The following DMXL2 variants were observed in gnomAD, a reference collection of about 807,000 sequenced individuals.
DMXL2 encodes dmX-like protein 2.
DMXL2 carries 103 observed loss-of-function variants against 331.1 expected under a neutral mutation model. That is an observed-to-expected ratio of 0.31 (90% CI 0.27 to 0.37). DMXL2 has a LOEUF of 0.37. DMXL2 is among the 10% of genes least tolerant of loss of function. DMXL2 has a pLI of 1.00. For synonymous variants in DMXL2, 1,281 were observed against 1,252.1 expected (o/e 1.02, Z -0.49); for missense variants, 3,171 against 3,642.9 (o/e 0.87, Z 3.33).
At chr15:51,537,845 A>G (rs905498009) in intron 10 of DMXL2, 86 bp from the exon 11 acceptor site, 9 of 1,378,486 alleles carry the variant, frequency 6.5e-6, no homozygotes, top group African/African-American at 1.5e-5. Context: ...ACTATCTTTA[A>G]AAACTAAATC....
chr15:51,489,981 G>C (rs1162326447), intron 20 of DMXL2, among the ~76,000 whole-genome samples: 1 of 152,186 alleles, frequency 6.6e-6, no homozygotes, highest in Non-Finnish European at 1.5e-5. Context: ...GGATACATCT[G>C]AAACATTTCA....
chr15:51,587,215 C>T (rs1028984604), intron 1 of DMXL2, among the ~76,000 whole-genome samples: 14 of 152,252 alleles, frequency 9.2e-5, no homozygotes, highest in South Asian at 2.1e-4. Context: ...ATGTGCACAA[C>T]GTGCAGGTTT....
intron 13 of DMXL2, among the ~76,000 whole-genome samples, chr15:51,534,873 T>G (rs1053253341): frequency 1.3e-5 from 2 of 152,132 alleles, no homozygotes; most frequent in African/African-American, 4.8e-5. Flanking sequence ...TAATCTGATC[T>G]CTCTCTCTCC....
Position 51,476,660 on chromosome 15 carries a change from T to A in DMXL2, c.6893A>T (p.Asp2298Val), listed in dbSNP as rs1450581935. The change falls in exon 27 of 44, where the codon GAT becomes GTT. Residue 2298 changes from aspartate to valine, a missense_variant. By Grantham distance (152) the Asp-to-Val change is radical. Coordinates refer to ENST00000560891, the MANE Select transcript of DMXL2 (RefSeq NM_001378457.1). ...GCTTTCTGTCCTTAGTCTTCTACGA[T>A]CACTTAAAAGAAGTCCTTGATAAGC... The part of the protein sequence containing the change: ...GMAYQGLLLS[D>V]RRRLRTESIE... 1 of 1,611,716 alleles carries A rather than the reference T, an allele frequency of 6.2e-7. No individual in the cohort carries two copies. The highest frequency in any genetic ancestry group is 1.7e-5 in the Admixed American group (1 of 59,542).
At chr15:51,531,477 C>T (rs2047999605) in intron 13 of DMXL2, among the ~76,000 whole-genome samples, 1 of 152,104 alleles carries the variant, frequency 6.6e-6, no homozygotes, top group Non-Finnish European at 1.5e-5. Flanking sequence ...TCTCAGCAAA[C>T]ATTTCCTGAG....
In DMXL2 at chr15:51,564,208, T is replaced by C; in HGVS notation, c.417A>G (p.Gly139=). 1 of 1,609,166 alleles carries C rather than the reference T, an allele frequency of 6.2e-7. No homozygotes were observed. Among genetic ancestry groups the C allele is most frequent in the Non-Finnish European group, 8.5e-7 (1 of 1,178,074 alleles). Residue 139 remains glycine (G), a synonymous_variant, in exon 5 of 44, where the codon GGA becomes GGG. Transcript: ENST00000560891. The part of the protein sequence containing the change: ...TDSIQLWAPP[G]DDILEEEEEI... ...CTTCCTCCTCTTCCAGAATATCATC[T>C]CCTGGAGGAGCCCACAACTGAATAG...
chr15:51,452,666 A>G (rs982827387), intron 41 of DMXL2, among the ~76,000 whole-genome samples: 2 of 152,212 alleles, frequency 1.3e-5, no homozygotes, highest in Admixed American at 1.3e-4. Flanking sequence ...TAAAACCACC[A>G]TGAAAAACAG....
intron 42 of DMXL2, 50 bp from the exon 43 acceptor site, chr15:51,450,396 G>A: frequency 1.9e-6 from 3 of 1,561,430 alleles, no homozygotes; most frequent in Non-Finnish European, 2.6e-6. Flanking sequence ...TCTTGTCTTG[G>A]TAATTATGAT....
At chr15:51,579,395 T>A (rs2051257362) in intron 1 of DMXL2, among the ~76,000 whole-genome samples, 1 of 152,130 alleles carries the variant, frequency 6.6e-6, no homozygotes, top group Non-Finnish European at 1.5e-5. Context: ...ACTCATATAA[T>A]CAGTCAGTAC....
chr15:51,490,030 T>G (rs2042681481), intron 20 of DMXL2, among the ~76,000 whole-genome samples: 2 of 152,228 alleles, frequency 1.3e-5, no homozygotes, highest in Admixed American at 6.5e-5. Flanking sequence ...CTTTGGAATA[T>G]AAAACATTTA....
intron 42 of DMXL2, chr15:51,450,594 C>G: frequency 2.2e-6 from 1 of 464,988 alleles, no homozygotes; most frequent in South Asian, 2.1e-5. Flanking sequence ...AAAGTTTAAA[C>G]CTTAAGCCCT....
intron 20 of DMXL2, among the ~76,000 whole-genome samples, chr15:51,491,151 A>G (rs1021862183): frequency 6.6e-6 from 1 of 152,222 alleles, no homozygotes; most frequent in Non-Finnish European, 1.5e-5. Context: ...CTTTATTTAA[A>G]AAAGTCTCAC....
At chr15:51,606,408 TG>T (rs2053591105) in intron 1 of DMXL2, among the ~76,000 whole-genome samples, 1 of 152,164 alleles carries the variant, frequency 6.6e-6, no homozygotes, top group Non-Finnish European at 1.5e-5. Context: ...TTGACCAGGC[TG>T]GTCTCGAACT....
chr15:51,516,519 T>C (rs995091033), intron 14 of DMXL2, among the ~76,000 whole-genome samples: 1 of 152,248 alleles, frequency 6.6e-6, no homozygotes, highest in African/African-American at 2.4e-5. Context: ...AACCCGACCC[T>C]TCTATGCAGC....
At chr15:51,455,303 C>T (rs2039524057) in intron 39 of DMXL2, 75 bp from the exon 40 acceptor site, 1 of 1,183,366 alleles carries the variant, frequency 8.5e-7, no homozygotes, top group Non-Finnish European at 1.3e-6. Flanking sequence ...AAGGAAGATT[C>T]ACTAAGGCCC....
chr15:51,488,622 C>G lies in DMXL2; in HGVS notation c.4977G>C (p.Arg1659Ser), dbSNP rs1244294875. 1 of 1,610,098 alleles carries G rather than the reference C, an allele frequency of 6.2e-7. No homozygotes were observed. Among genetic ancestry groups the G allele is most frequent in the Non-Finnish European group, 8.5e-7 (1 of 1,179,028 alleles). The change falls in exon 21 of 44, where the codon AGG (arginine) becomes AGC (serine). Residue 1659 changes from arginine to serine, a missense_variant. By Grantham distance (110) the Arg-to-Ser change is moderately radical (BLOSUM62 -1). Coordinates refer to ENST00000560891, the MANE Select transcript of DMXL2 (RefSeq NM_001378457.1). ...IEKVAKASFQ[R>S]NNDALDAALF... ...GTGCAGCATCTAAGGCATCATTGTT[C>G]CTTTGAAAAGAAGCTTTGGCAACCT...
chr15:51,545,200 T>C (rs945629068), intron 8 of DMXL2, among the ~76,000 whole-genome samples: 1 of 152,142 alleles, frequency 6.6e-6, no homozygotes, highest in Admixed American at 6.5e-5. Flanking sequence ...TTAATCTTTA[T>C]GAAACAAAAG....
At chr15:51,453,723 A>G in intron 40 of DMXL2, 82 bp from the exon 41 acceptor site, 2 of 1,122,650 alleles carry the variant, frequency 1.8e-6, no homozygotes, top group Non-Finnish European at 2.7e-6. Flanking sequence ...TCTGCTAATA[A>G]CATACTATAT....
intron 35 of DMXL2, 40 bp from the exon 36 acceptor site, chr15:51,458,667 A>G: frequency 6.2e-7 from 1 of 1,613,822 alleles, no homozygotes; most frequent in Non-Finnish European, 8.5e-7. Context: ...AAGCAATTTC[A>G]CTAAGGAGAA....
Sources: allele counts gnomAD v4.1 joint callset (sites outside exome capture counted in the v4.1 genomes callset), GRCh38; gene constraint gnomAD v4.1.1; transcripts MANE v1.5; gene names NCBI Gene and HGNC (gene_info 2026-07-23, HGNC 2026-07-21).